The following FSTL5 variants were observed in gnomAD, a reference collection of about 807,000 sequenced individuals.
FSTL5 encodes follistatin-related protein 5.
FSTL5 carries 62 observed loss-of-function variants against 89.1 expected under a neutral mutation model. The ratio of observed to expected loss-of-function variants is 0.70; its 90% CI spans 0.57 to 0.86. The LOEUF (loss-of-function observed/expected upper bound fraction) is 0.86, where lower values mean the gene tolerates loss of function less well. Ranked by LOEUF, FSTL5 falls within the 40% of genes least tolerant of loss-of-function variation. The pLI is 0.00. For missense variants in FSTL5, 1,057 were observed against 1,001.6 expected, an observed-to-expected ratio of 1.06 and a Z score of -0.75; for synonymous variants, 383 against 346.2, an observed-to-expected ratio of 1.11 and a Z score of -1.18.
intron 6 of FSTL5, among the ~76,000 whole-genome samples, chr4:161,749,122 T>C (rs1560823709): frequency 1.3e-5 from 2 of 152,068 alleles, no homozygotes; most frequent in African/African-American, 2.4e-5. Flanking sequence ...ATGGAGATAC[T>C]TCAAAGAACT....
chr4:162,157,012 A>G (rs1733500580), intron 1 of FSTL5, among the ~76,000 whole-genome samples: 1 of 152,218 alleles, frequency 6.6e-6, no homozygotes, highest in Non-Finnish European at 1.5e-5. Context: ...GACTATGCAC[A>G]GGATTTTATG....
intron 7 of FSTL5, among the ~76,000 whole-genome samples, chr4:161,630,370 G>T (rs1199200757): frequency 1.3e-5 from 2 of 152,140 alleles, no homozygotes; most frequent in Non-Finnish European, 2.9e-5. Context: ...TTTTCTATCA[G>T]CTACTATGGC....
intron 2 of FSTL5, chr4:162,035,285 T>C (rs1454982450): frequency 6.6e-6 from 1 of 152,128 alleles, no homozygotes; most frequent in Non-Finnish European, 1.5e-5. Context: ...GCAGACTGCA[T>C]AAATTTTATT....
intron 4 of FSTL5, among the ~76,000 whole-genome samples, chr4:161,794,988 A>G (rs569903432): frequency 4.1e-4 from 62 of 152,058 alleles, no homozygotes; most frequent in Non-Finnish European, 7.1e-4. Flanking sequence ...AACCATGAAT[A>G]TATATTTTAT....
chr4:161,767,547 G>A (rs779631403), intron 5 of FSTL5, among the ~76,000 whole-genome samples: 2 of 152,108 alleles, frequency 1.3e-5, no homozygotes, highest in African/African-American at 2.4e-5. Flanking sequence ...AGAGAGTGCT[G>A]AATTCTTACT....
chr4:161,694,075 A>G (rs1352662086), intron 6 of FSTL5, among the ~76,000 whole-genome samples: 2 of 145,580 alleles, frequency 1.4e-5, no homozygotes, highest in African/African-American at 5.3e-5. Context: ...CAAAGAACCA[A>G]CTTTTAGGTT....
intron 8 of FSTL5, among the ~76,000 whole-genome samples, chr4:161,575,566 G>C (rs1308569645): frequency 1.3e-5 from 2 of 151,902 alleles, no homozygotes; most frequent in Admixed American, 1.3e-4. Flanking sequence ...TGAATCTCCT[G>C]CCTCAGCCTC....
At chr4:162,066,366 T>TTCTTCTTCTTCTTCTTCTTCTTCC (rs1312738347) in intron 2 of FSTL5, among the ~76,000 whole-genome samples, 1 of 136,520 alleles carries the variant, frequency 7.3e-6, no homozygotes, top group African/African-American at 2.7e-5. Flanking sequence ...CTTCTTCTTC[T>TTCTTCTTCTTCTTCTTCTTCTTCC]TCTTCTCCTT....
At chr4:161,961,230 C>T (rs1735166531) in intron 3 of FSTL5, among the ~76,000 whole-genome samples, 1 of 152,018 alleles carries the variant, frequency 6.6e-6, no homozygotes, top group Admixed American at 6.6e-5. Context: ...ACTCCAGTCT[C>T]CCTAGTAGCT....
chr4:161,568,195 A>G (rs1732886399), intron 8 of FSTL5, among the ~76,000 whole-genome samples: 1 of 152,064 alleles, frequency 6.6e-6, no homozygotes, highest in Non-Finnish European at 1.5e-5. Context: ...TTTGTCCTTT[A>G]TGTCAATCAC....
At chr4:161,431,831 T>A (rs559844889) in intron 15 of FSTL5, among the ~76,000 whole-genome samples, 5 of 152,112 alleles carry the variant, frequency 3.3e-5, no homozygotes, top group African/African-American at 1.2e-4. Context: ...TTACTACAGA[T>A]AGAATAGATT....
chr4:161,554,302 T>C (rs557887816), intron 8 of FSTL5, among the ~76,000 whole-genome samples: 1 of 151,654 alleles, frequency 6.6e-6, no homozygotes, highest in East Asian at 1.9e-4. Flanking sequence ...TGCATTAGAC[T>C]AGACCAGTAC....
chr4:161,926,783 T>G (rs2110881883), intron 3 of FSTL5, among the ~76,000 whole-genome samples: 1 of 151,984 alleles, frequency 6.6e-6, no homozygotes, highest in East Asian at 1.9e-4. Context: ...TTTCTCTTAT[T>G]ATCTTAATAT....
intron 15 of FSTL5, among the ~76,000 whole-genome samples, chr4:161,403,564 C>T (rs1183336358): frequency 6.6e-6 from 1 of 151,992 alleles, no homozygotes; most frequent in Admixed American, 6.6e-5. Flanking sequence ...ACCTTTTGTT[C>T]TTTTATAAGA....
intron 8 of FSTL5, among the ~76,000 whole-genome samples, chr4:161,570,328 C>G (rs1388355851): frequency 6.6e-6 from 1 of 151,996 alleles, no homozygotes; most frequent in Admixed American, 6.6e-5. Context: ...GGAGATCTGG[C>G]GAAGAATCTT....
chr4:161,994,484 T>C (rs141121135), intron 3 of FSTL5, among the ~76,000 whole-genome samples: 118 of 152,308 alleles, frequency 7.7e-4, no homozygotes, highest in African/African-American at 2.5e-3. Flanking sequence ...TTGAACTAAT[T>C]TACACTCCCA....
intron 7 of FSTL5, among the ~76,000 whole-genome samples, chr4:161,597,447 G>A (rs1195309448): frequency 4.9e-5 from 7 of 143,996 alleles, no homozygotes; most frequent in African/African-American, 1.8e-4. Context: ...CTTGGACACA[G>A]GAAGGGGAAC....
chr4:162,121,531 G>A (rs1312084505), intron 1 of FSTL5, among the ~76,000 whole-genome samples: 1 of 151,962 alleles, frequency 6.6e-6, no homozygotes, highest in Non-Finnish European at 1.5e-5. Flanking sequence ...ATGTATGTTG[G>A]TATACACACA....
chr4:161,726,174 G>C (rs1739396257), intron 6 of FSTL5, among the ~76,000 whole-genome samples: 1 of 150,804 alleles, frequency 6.6e-6, no homozygotes, highest in Admixed American at 6.6e-5. Context: ...GTTGATGTGA[G>C]GATCTTTGGA....
Sources: gnomAD v4.1 joint callset for allele counts (sites outside exome capture counted in the v4.1 genomes callset) on GRCh38, gnomAD v4.1.1 for gene constraint, MANE v1.5 for transcripts, NCBI Gene and HGNC (gene_info 2026-07-23, HGNC 2026-07-21) for gene names.